Variants in CDH12 observed in about 807,000 individuals in gnomAD.
CDH12 encodes the protein cadherin-12.
A neutral mutation model predicts 74.1 loss-of-function variants in CDH12; 41 were observed. The observed-to-expected ratio is 0.55, with a 90% CI of 0.43 to 0.72. CDH12 has a LOEUF of 0.72. Among genes scored for constraint, CDH12 ranks in the 30% least tolerant of loss-of-function variants. The probability of loss-of-function intolerance (pLI) is 0.00; values close to 1 mark genes in which losing one functional copy is unlikely to be tolerated. For missense variants in CDH12, 945 were observed against 977.2 expected (o/e 0.97, Z 0.44); for synonymous variants, 399 against 355.0 (o/e 1.12, Z -1.39).
intron 4 of CDH12, among the ~76,000 whole-genome samples, chr5:22,148,349 T>C (rs1230421345): frequency 1.3e-5 from 2 of 152,050 alleles, no homozygotes; most frequent in Non-Finnish European, 2.9e-5. Flanking sequence ...GAGTTGTGCA[T>C]TATATGTTGC....
At chr5:21,999,625 T>C (rs1235836383) in intron 5 of CDH12, among the ~76,000 whole-genome samples, 1 of 151,990 alleles carries the variant, frequency 6.6e-6, no homozygotes, top group African/African-American at 2.4e-5. Context: ...GTTAAAGGCA[T>C]CTCTTTGGAA....
At chr5:22,230,866 A>G (rs1342682197) in intron 3 of CDH12, among the ~76,000 whole-genome samples, 1 of 152,176 alleles carries the variant, frequency 6.6e-6, no homozygotes, top group Non-Finnish European at 1.5e-5. Flanking sequence ...AGAAAAGGGT[A>G]TAATTCTAAC....
intron 6 of CDH12, among the ~76,000 whole-genome samples, chr5:21,877,522 G>T (rs538399774): frequency 5.9e-5 from 9 of 152,110 alleles, no homozygotes; most frequent in Non-Finnish European, 1.0e-4. Context: ...AATAAGTCTG[G>T]CTAAGAAAAT....
In CDH12 at chr5:22,591,968, C is replaced by A. The variant is rs867698538; in HGVS notation, c.-522-86604G>T. Among the ~76,000 whole-genome samples, 3 of 102,720 alleles carry A rather than the reference C, an allele frequency of 2.9e-5. No individual in the cohort carries two copies. The Admixed American group carries it at 3.7e-4, about 13-fold the overall frequency. The allele number at this position is 102,720 out of a possible 152,430, so 67.4% of individuals were successfully genotyped here. A position where few individuals can be genotyped will look rare whatever the true frequency, so the allele number is the denominator to read the frequency against. ...TTATTTGGCTTGAATCTTGTGACCA[C>A]CATGTGAACCCTAAGTCATGCCTTT... On this transcript the variant is annotated intron_variant, in intron 1 of 14. Transcript: ENST00000382254.
chr5:22,212,557 G>A lies in CDH12; in HGVS notation c.-246C>T, dbSNP rs1751603382. 8 of 985,516 alleles carry A rather than the reference G, an allele frequency of 8.1e-6. No homozygotes were observed. In the South Asian group the frequency reaches 2.8e-4, roughly 35 times the overall value. 61.0% of individuals were successfully genotyped at this position (985,516 alleles called of 1,614,324 possible). The stretch of plus-strand genomic sequence containing the variant: ...AATCCGTCAAATCAACCGTGAATGG[G>A]GTGGGGAGATCGAAGTTTTCAATCA... On this transcript the variant is annotated 5_prime_UTR_variant, in exon 4 of 15. Coordinates refer to ENST00000382254, the MANE Select transcript of CDH12 (RefSeq NM_004061.5).
At chr5:21,855,545 C>A (rs540391197) in intron 6 of CDH12, among the ~76,000 whole-genome samples, 3 of 147,136 alleles carry the variant, frequency 2.0e-5, no homozygotes, top group African/African-American at 4.9e-5. Flanking sequence ...TTCCTAATAT[C>A]CTGTTCAAGT....
chr5:22,409,517 T>C (rs1157602143), intron 2 of CDH12, among the ~76,000 whole-genome samples: 1 of 152,072 alleles, frequency 6.6e-6, no homozygotes, highest in Non-Finnish European at 1.5e-5. Context: ...CCATATTATA[T>C]TGATTTGAAA....
chr5:22,073,082 A>G (rs1397456564), intron 5 of CDH12, among the ~76,000 whole-genome samples: 1 of 152,078 alleles, frequency 6.6e-6, no homozygotes, highest in Non-Finnish European at 1.5e-5. Context: ...CAAAGGAAGC[A>G]CTCAATAAAG....
chr5:22,034,045 GTTTTGT>G (rs1404157784), intron 5 of CDH12, among the ~76,000 whole-genome samples: 1 of 151,968 alleles, frequency 6.6e-6, no homozygotes, highest in Admixed American at 6.6e-5. Context: ...TTTGTTTTTG[GTTTTGT>G]TTTTGTTTTT....
At chr5:22,336,787 G>T (rs897124887) in intron 3 of CDH12, among the ~76,000 whole-genome samples, 6 of 152,232 alleles carry the variant, frequency 3.9e-5, no homozygotes, top group Non-Finnish European at 8.8e-5. Context: ...AGTGTGGAAG[G>T]GAAATGTGAG....
At chr5:22,663,640 C>G (rs549297102) in intron 1 of CDH12, among the ~76,000 whole-genome samples, 2 of 152,142 alleles carry the variant, frequency 1.3e-5, no homozygotes, top group African/African-American at 4.8e-5. Context: ...TGCTTCATTA[C>G]ATTTTAATAA....
At chr5:22,104,760 G>A (rs1429081505) in intron 4 of CDH12, among the ~76,000 whole-genome samples, 2 of 151,918 alleles carry the variant, frequency 1.3e-5, no homozygotes, top group Middle Eastern at 3.2e-3. Context: ...AATAATAGTT[G>A]GTATTTGATT....
At position 21,878,855 on chromosome 5, in the gene CDH12, GAGAA is replaced by G. The variant is rs201127486; in HGVS notation, c.527-24069_527-24066del. Reference sequence around the variant, plus strand: ...AAGAAAAGAAAGAGAGGGAGAGAGAGAGAAAGAAAGAAAGAGAGAGAAAGAAAGA... The same window carrying G: ...AAGAAAAGAAAGAGAGGGAGAGAGAGAGAAAGAAAGAGAGAGAAAGAAAGA... On this transcript the variant is annotated intron_variant, in intron 6 of 14. Transcript: ENST00000382254. 9.6e-3 allele frequency among the ~76,000 whole-genome samples: 1,361 copies of G among 142,436 alleles called. 20 individuals carry two copies. Among genetic ancestry groups the G allele is most frequent in the African/African-American group, 0.032 (1,235 of 38,446 alleles). The allele number at this position is 142,436 out of a possible 152,430, so 93.4% of individuals were successfully genotyped here.
chr5:22,571,363 G>C (rs1221510748), intron 1 of CDH12, among the ~76,000 whole-genome samples: 1 of 150,464 alleles, frequency 6.6e-6, no homozygotes, highest in Non-Finnish European at 1.5e-5. Context: ...TTTCACTCTT[G>C]TTGCTCAGGC....
intron 1 of CDH12, among the ~76,000 whole-genome samples, chr5:22,727,109 A>T (rs1744201835): frequency 6.6e-6 from 1 of 151,750 alleles, no homozygotes; most frequent in Non-Finnish European, 1.5e-5. Context: ...TGAATTATGA[A>T]CATAAATTTT....
rs1401089994 is a variant in CDH12 at position 22,799,520 on chromosome 5, G to A, written c.-523+53538C>T. 3.3e-5 allele frequency among the ~76,000 whole-genome samples: 5 copies of A among 152,248 alleles called. No individual in the cohort carries two copies. The East Asian group carries it at 9.7e-4, about 29-fold the overall frequency. ...GGATTGGAAACTAATACACCAAAGTGAGCAGAGAAGAATAACTCTTAATTT... is the reference window on the plus strand; with the variant it reads ...GGATTGGAAACTAATACACCAAAGTAAGCAGAGAAGAATAACTCTTAATTT... On this transcript the variant is annotated intron_variant, in intron 1 of 14. Transcript: ENST00000382254.
intron 3 of CDH12, among the ~76,000 whole-genome samples, chr5:22,219,807 A>G (rs902260571): frequency 6.6e-6 from 1 of 151,716 alleles, no homozygotes; most frequent in Non-Finnish European, 1.5e-5. Context: ...CTCAGATGAA[A>G]AAAGGTGATA....
intron 4 of CDH12, among the ~76,000 whole-genome samples, chr5:22,185,199 CTT>C (rs10656260): frequency 1.4e-5 from 2 of 138,096 alleles, no homozygotes; most frequent in Non-Finnish European, 3.1e-5. Flanking sequence ...CTCTCTCTCT[CTT>C]TTTTTTTTTT....
chr5:22,810,704 C>T (rs2126446455), intron 1 of CDH12, among the ~76,000 whole-genome samples: 1 of 152,166 alleles, frequency 6.6e-6, no homozygotes, highest in East Asian at 1.9e-4. Context: ...TACTGAGACT[C>T]CATCTCTGTC....
Sources: allele counts gnomAD v4.1 joint callset (sites outside exome capture counted in the v4.1 genomes callset), GRCh38; gene constraint gnomAD v4.1.1; transcripts MANE v1.5; gene names NCBI Gene and HGNC (gene_info 2026-07-23, HGNC 2026-07-21).